The following WDR37 variants were observed in gnomAD, a reference collection of about 807,000 sequenced individuals.
WDR37 encodes the protein WD repeat domain 37.
WDR37 carries 19 observed loss-of-function variants against 62.9 expected under a neutral mutation model. That is an observed-to-expected ratio of 0.30 (90% CI 0.21 to 0.44). The LOEUF (loss-of-function observed/expected upper bound fraction) is 0.44, where lower values mean the gene tolerates loss of function less well. Ranked by LOEUF, WDR37 falls within the 20% of genes least tolerant of loss-of-function variation. WDR37 has a pLI of 1.00. For missense variants in WDR37, 474 were observed against 657.6 expected (o/e 0.72, Z 3.05); for synonymous variants, 250 against 260.9 (o/e 0.96, Z 0.40).
chr10:1,112,393 CCTT>C (rs1351206290), intron 11 of WDR37, among the ~76,000 whole-genome samples: 3 of 152,232 alleles, frequency 2.0e-5, no homozygotes, highest in Non-Finnish European at 2.9e-5. Context: ...TCGTCTCTCA[CCTT>C]CTCCTAATGC....
At position 1,080,014 on chromosome 10, in the gene WDR37, G is replaced by A. The variant is rs577047000; in HGVS notation, c.239G>A (p.Arg80His). Residue 80 changes from arginine (R) to histidine (H), a missense_variant, in exon 4 of 14, where the codon CGT (arginine) becomes CAT (histidine). Physicochemically the swap from Arg to His is conservative, Grantham distance 29. Coordinates refer to ENST00000263150, the MANE Select transcript of WDR37 (RefSeq NM_014023.4). ...TTGAAAACTTTTTTCTTCCCAGTAC[G>A]TAGAGAAATCGACACTCTTAATGAA... is the stretch of plus-strand genomic sequence containing the variant. ...ENLYIENLEL[R>H]REIDTLNERL... The A allele has an allele frequency of 6.8e-6, 11 of 1,613,864 alleles. No homozygotes were observed. The highest frequency in any genetic ancestry group is 4.0e-5 in the African/African-American group (3 of 74,990).
chr10:1,063,612 C>T (rs1245625822), intron 1 of WDR37, among the ~76,000 whole-genome samples: 2 of 152,154 alleles, frequency 1.3e-5, no homozygotes, highest in Non-Finnish European at 2.9e-5. Flanking sequence ...GGTGACAGAG[C>T]ACAGCCTCCT....
chr10:1,129,684 A>ACAC lies in WDR37; in HGVS notation c.*340_*341insCAC. 2.1e-5 allele frequency: 4 copies of ACAC among 188,294 alleles called. No individual in the cohort carries two copies. The highest frequency in any genetic ancestry group is 2.1e-4 in the South Asian group (2 of 9,326). The allele number at this position is 188,294 out of a possible 1,614,324, so 11.7% of individuals were successfully genotyped here. ...GTGTGAATTAAATGTGAACTTCTGT[A>ACAC]TTACGTTGCGGCGTCGGCAGTCCTG... is the stretch of plus-strand genomic sequence containing the variant. On this transcript the variant is annotated 3_prime_UTR_variant, in exon 14 of 14. Coordinates refer to ENST00000263150, the MANE Select transcript of WDR37 (RefSeq NM_014023.4).
chr10:1,089,617 A>G (rs188097723), intron 7 of WDR37, among the ~76,000 whole-genome samples: 37 of 125,290 alleles, frequency 3.0e-4, no homozygotes, highest in South Asian at 1.9e-3. Flanking sequence ...CCACAATTCA[A>G]CCTTCCCATG....
intron 11 of WDR37, among the ~76,000 whole-genome samples, chr10:1,115,798 G>A (rs1835372651): frequency 6.6e-6 from 1 of 152,142 alleles, no homozygotes; most frequent in Non-Finnish European, 1.5e-5. Context: ...AAGGTGGAGA[G>A]CCAGCCATCT....
At chr10:1,080,532 G>A in intron 5 of WDR37, 56 bp downstream of exon 5, 2 of 1,552,818 alleles carry the variant, frequency 1.3e-6, no homozygotes, top group Middle Eastern at 3.4e-4. Context: ...GTGCAGATGT[G>A]TACTTTAAGT....
At chr10:1,097,625 G>A (rs979655350) in intron 9 of WDR37, among the ~76,000 whole-genome samples, 11 of 152,192 alleles carry the variant, frequency 7.2e-5, no homozygotes, top group African/African-American at 2.7e-4. Context: ...GTCCAGTGCT[G>A]TGGGGGTGGG....
chr10:1,068,194 A>G (rs1833611905), intron 1 of WDR37, among the ~76,000 whole-genome samples: 1 of 152,066 alleles, frequency 6.6e-6, no homozygotes, highest in Non-Finnish European at 1.5e-5. Context: ...AGAAAGCAGT[A>G]TCTTAGGCCG....
intron 1 of WDR37, among the ~76,000 whole-genome samples, chr10:1,067,179 A>T (rs1202071695): frequency 6.6e-6 from 1 of 152,236 alleles, no homozygotes. Context: ...AGTCCAAAGC[A>T]GTTCAATCTA....
chr10:1,111,235 G>A (rs1835208925), intron 11 of WDR37, among the ~76,000 whole-genome samples: 1 of 152,180 alleles, frequency 6.6e-6, no homozygotes, highest in African/African-American at 2.4e-5. Flanking sequence ...AGTATAGTAT[G>A]TTGGAATCTA....
At chr10:1,061,281 T>C (rs1833365000) in intron 1 of WDR37, among the ~76,000 whole-genome samples, 1 of 152,224 alleles carries the variant, frequency 6.6e-6, no homozygotes, top group African/African-American at 2.4e-5. Context: ...TTAGATTCCA[T>C]GGTATACCAT....
At chr10:1,095,866 A>G (rs1275895773) in intron 8 of WDR37, among the ~76,000 whole-genome samples, 3 of 152,218 alleles carry the variant, frequency 2.0e-5, no homozygotes, top group Non-Finnish European at 4.4e-5. Flanking sequence ...TAGGTTAGAT[A>G]GATGGAGAGG....
intron 9 of WDR37, chr10:1,096,511 A>G (rs1396178636): frequency 2.0e-6 from 1 of 496,316 alleles, no homozygotes; most frequent in Non-Finnish European, 3.6e-6. Flanking sequence ...CGTGTCACGT[A>G]AGAGCAGAGC....
At chr10:1,126,334 A>T (rs890492440) in intron 13 of WDR37, among the ~76,000 whole-genome samples, 72 of 148,984 alleles carry the variant, frequency 4.8e-4, no homozygotes, top group African/African-American at 1.7e-3. Flanking sequence ...TGAACCCAGG[A>T]GGCGGAGCTT....
Position 1,069,582 on chromosome 10 carries a change from C to T in WDR37, c.-40-2534C>T, listed in dbSNP as rs190256892. Among the ~76,000 whole-genome samples the T allele has an allele frequency of 1.7e-3, 252 of 151,718 alleles. 2 individuals carry two copies. Among genetic ancestry groups the T allele is most frequent in the African/African-American group, 5.8e-3 (241 of 41,370 alleles). On this transcript the variant is annotated intron_variant, in intron 1 of 13. Coordinates refer to ENST00000263150, the MANE Select transcript of WDR37 (RefSeq NM_014023.4). ...CTGCTCTTTGATCATATTTACATAA[C>T]AGTCTCAAAATGACAAAATTGTAGA...
chr10:1,077,309 C>T (rs192401098), intron 2 of WDR37, among the ~76,000 whole-genome samples: 275 of 152,304 alleles, frequency 1.8e-3, no homozygotes, highest in Non-Finnish European at 3.2e-3. Flanking sequence ...GCATGAAGAG[C>T]GTGGCCTGGG....
chr10:1,105,715 C>T lies in WDR37; in HGVS notation c.1103+448C>T, dbSNP rs778918460. 5.3e-5 allele frequency among the ~76,000 whole-genome samples: 8 copies of T among 152,224 alleles called. No individual in the cohort carries two copies. The highest frequency in any genetic ancestry group is 7.4e-5 in the Non-Finnish European group (5 of 68,018). On this transcript the variant is annotated intron_variant, in intron 11 of 13. Coordinates refer to ENST00000263150, the MANE Select transcript of WDR37 (RefSeq NM_014023.4). The surrounding 1 kb of genome is among the most constrained non-coding windows in gnomAD (Gnocchi z 5.3). Reference sequence around the variant, plus strand: ...CTGGGAGAAGGTATACACATAGACGCGCAAACACAGACATAGACCCTCAAT... The same window carrying T: ...CTGGGAGAAGGTATACACATAGACGTGCAAACACAGACATAGACCCTCAAT...
chr10:1,102,332 T>G (rs1177728803), intron 9 of WDR37, among the ~76,000 whole-genome samples: 1 of 152,236 alleles, frequency 6.6e-6, no homozygotes, highest in Non-Finnish European at 1.5e-5. Flanking sequence ...CCCTGTGACG[T>G]GCATTCCCTA....
rs188028682 is a variant in WDR37, at chr10:1,096,154, C to T, written c.650-16C>T. The T allele has an allele frequency of 6.9e-4, 1,117 of 1,613,840 alleles. 1 individual carries two copies. Among genetic ancestry groups the T allele is most frequent in the Non-Finnish European group, 8.8e-4 (1,042 of 1,179,872 alleles). ...GGTCTGTGCCTTGGGTAATTTTCCC[C>T]GATTTCTCTCTTCAGCTTCTGGAGA... On this transcript the variant is annotated splice_polypyrimidine_tract_variant and intron_variant, in intron 8 of 13. Coordinates refer to ENST00000263150, the MANE Select transcript of WDR37 (RefSeq NM_014023.4).
Sources: gnomAD v4.1 joint callset for allele counts (sites outside exome capture counted in the v4.1 genomes callset) on GRCh38, gnomAD v4.1.1 for gene constraint, Gnocchi (gnomAD v3.1) non-coding constraint, MANE v1.5 for transcripts, NCBI Gene and HGNC (gene_info 2026-07-23, HGNC 2026-07-21) for gene names.